The following PRKG1 variants were observed in gnomAD, a reference collection of about 807,000 sequenced individuals.
The protein encoded by PRKG1 is protein kinase cGMP-dependent 1.
PRKG1 carries 35 observed loss-of-function variants against 88.1 expected under a neutral mutation model. The observed-to-expected ratio is 0.40, with a 90% CI of 0.30 to 0.53. The LOEUF (loss-of-function observed/expected upper bound fraction) is 0.53. Among genes scored for constraint, PRKG1 ranks in the 20% least tolerant of loss-of-function variants. The pLI, the probability that PRKG1 is intolerant of heterozygous loss-of-function variation, is 0.59. For synonymous variants in PRKG1, 303 were observed against 292.5 expected (o/e 1.04, Z -0.37); for missense variants, 540 against 839.8 (o/e 0.64, Z 4.41).
chr10:52,174,932 G>A (rs1346782460), intron 9 of PRKG1, among the ~76,000 whole-genome samples: 2 of 151,898 alleles, frequency 1.3e-5, no homozygotes, highest in Non-Finnish European at 2.9e-5. Flanking sequence ...TACATATAAT[G>A]TATAGTGATC....
chr10:51,237,965 A>G (rs893725674), intron 2 of PRKG1, among the ~76,000 whole-genome samples: 1 of 152,202 alleles, frequency 6.6e-6, no homozygotes, highest in African/African-American at 2.4e-5. Flanking sequence ...TAGTATGTTT[A>G]CATACTGTTA....
intron 2 of PRKG1, among the ~76,000 whole-genome samples, chr10:51,189,942 C>T (rs955802838): frequency 2.6e-5 from 4 of 151,822 alleles, no homozygotes; most frequent in Admixed American, 6.6e-5. Context: ...AGTGCCTTAC[C>T]TAAGGCTACA....
At chr10:51,693,869 C>G (rs1841213328) in intron 3 of PRKG1, among the ~76,000 whole-genome samples, 1 of 151,920 alleles carries the variant, frequency 6.6e-6, no homozygotes, top group African/African-American at 2.4e-5. Context: ...ACTTTTGTTT[C>G]AGGGTGCATA....
chr10:51,040,964 G>A (rs2132757944), intron 1 of PRKG1, among the ~76,000 whole-genome samples: 1 of 151,846 alleles, frequency 6.6e-6, no homozygotes, highest in Non-Finnish European at 1.5e-5. Context: ...CCAATTTGAT[G>A]CCTTTTGTTT....
chr10:51,562,413 G>T (rs1051523226), intron 3 of PRKG1, among the ~76,000 whole-genome samples: 1 of 152,048 alleles, frequency 6.6e-6, no homozygotes, highest in African/African-American at 2.4e-5. Context: ...AGAATTGTGA[G>T]GTTCTGTTAC....
chr10:51,101,363 C>T (rs1178434821), intron 1 of PRKG1, among the ~76,000 whole-genome samples: 1 of 152,114 alleles, frequency 6.6e-6, no homozygotes, highest in African/African-American at 2.4e-5. Context: ...TTGGCTGGCA[C>T]CTTGATCTTG....
chr10:51,397,891 T>G (rs1837624309), intron 2 of PRKG1, among the ~76,000 whole-genome samples: 1 of 152,176 alleles, frequency 6.6e-6, no homozygotes, highest in Admixed American at 6.5e-5. Context: ...GCAGAATGTG[T>G]CACTTACTTA....
chr10:51,750,947 G>A lies in PRKG1; in HGVS notation c.593-53638G>A, dbSNP rs193274809. ...TAAATATAAATGATGACATATTTGA[G>A]GTCTTGAGGTGACTATTTTTCATCA... On this transcript the variant is annotated intron_variant, in intron 3 of 17. Coordinates refer to ENST00000373980, the MANE Select transcript of PRKG1 (RefSeq NM_006258.4). Among the ~76,000 whole-genome samples the A allele has an allele frequency of 3.9e-5, 6 of 152,066 alleles. No individual in the cohort carries two copies. In the East Asian group the frequency reaches 9.7e-4, roughly 24 times the overall value.
intron 3 of PRKG1, among the ~76,000 whole-genome samples, chr10:51,630,154 C>A (rs1282337182): frequency 6.6e-6 from 1 of 152,112 alleles, no homozygotes; most frequent in Admixed American, 6.5e-5. Context: ...GAGCAGCTGT[C>A]GTGACTCAAA....
intron 3 of PRKG1, among the ~76,000 whole-genome samples, chr10:51,580,255 A>G (rs1364777377): frequency 6.6e-6 from 1 of 152,136 alleles, no homozygotes; most frequent in Non-Finnish European, 1.5e-5. Flanking sequence ...TTCATAGTCT[A>G]TTGCAAGGTA....
chr10:51,919,973 A>T (rs144996317), intron 5 of PRKG1, among the ~76,000 whole-genome samples: 2 of 152,300 alleles, frequency 1.3e-5, no homozygotes, highest in Non-Finnish European at 2.9e-5. Context: ...CATACATGCT[A>T]CCCGAGTGAC....
At chr10:51,796,058 G>A (rs1404176143) in intron 3 of PRKG1, among the ~76,000 whole-genome samples, 1 of 152,096 alleles carries the variant, frequency 6.6e-6, no homozygotes, top group African/African-American at 2.4e-5. Flanking sequence ...ATGACGGTCT[G>A]TGGTGATTTG....
At position 51,697,502 on chromosome 10, in the gene PRKG1, C is replaced by T. The variant is rs1409490788; in HGVS notation, c.593-107083C>T. On this transcript the variant is annotated intron_variant, in intron 3 of 17. Transcript: ENST00000373980. ...TAAAGTAACTTAAAGTGAACAGACG[C>T]ACTCCCTCCTCCCCCCACCCTCAAT... 3.3e-5 allele frequency: 20 copies of T among 598,338 alleles called. No homozygotes were observed. The South Asian group carries it at 3.8e-4, about 11-fold the overall frequency. 37.1% of individuals were successfully genotyped at this position (598,338 alleles called of 1,614,324 possible). A position where few individuals can be genotyped will look rare whatever the true frequency, so the allele number is the denominator to read the frequency against.
intron 3 of PRKG1, among the ~76,000 whole-genome samples, chr10:51,620,631 T>C (rs993401489): frequency 1.3e-5 from 2 of 152,094 alleles, no homozygotes; most frequent in African/African-American, 4.8e-5. Context: ...GTGACTTCAG[T>C]GTTAATATTC....
chr10:51,921,434 A>T lies in PRKG1; in HGVS notation c.762+13864A>T, dbSNP rs528623260. Among the ~76,000 whole-genome samples the T allele has an allele frequency of 5.9e-5, 9 of 152,112 alleles. No individual in the cohort carries two copies. In the South Asian group the frequency reaches 1.7e-3, roughly 28 times the overall value. On this transcript the variant is annotated intron_variant, in intron 5 of 17. Transcript: ENST00000373980. ...TTACTGTCTTACTGAATTAGATGAG[A>T]CTTCTAATATAATGCTGAATAGGAG... is the stretch of plus-strand genomic sequence containing the variant.
chr10:51,175,462 CTTCAATTTATT>C (rs1837166095), intron 2 of PRKG1, among the ~76,000 whole-genome samples: 1 of 151,758 alleles, frequency 6.6e-6, no homozygotes, highest in South Asian at 2.1e-4. Context: ...TATACTTTAT[CTTCAATTTATT>C]TTCAATTATA....
chr10:51,056,963 C>T (rs1843632634), intron 1 of PRKG1, among the ~76,000 whole-genome samples: 1 of 152,162 alleles, frequency 6.6e-6, no homozygotes, highest in African/African-American at 2.4e-5. Context: ...CCTGTTATAT[C>T]CCAGTTCTTA....
At position 51,906,343 on chromosome 10, in the gene PRKG1, C is replaced by G. The variant is rs185685464; in HGVS notation, c.699-1164C>G. 4.6e-5 allele frequency among the ~76,000 whole-genome samples: 7 copies of G among 152,266 alleles called. No homozygotes were observed. The South Asian group carries it at 1.5e-3, about 32-fold the overall frequency. On this transcript the variant is annotated intron_variant, in intron 4 of 17. Coordinates refer to ENST00000373980, the MANE Select transcript of PRKG1 (RefSeq NM_006258.4). ...CATTCTGAGCCAAATGTGAGGACCA[C>G]GATCCATGACACAGCCCCAGGAAGT...
At chr10:51,344,815 C>T (rs1244829471) in intron 2 of PRKG1, among the ~76,000 whole-genome samples, 1 of 152,096 alleles carries the variant, frequency 6.6e-6, no homozygotes, top group Admixed American at 6.6e-5. Flanking sequence ...CGATAAAATG[C>T]TAAATTAACA....
Sources: allele counts gnomAD v4.1 joint callset (sites outside exome capture counted in the v4.1 genomes callset), GRCh38; gene constraint gnomAD v4.1.1; transcripts MANE v1.5; gene names NCBI Gene and HGNC (gene_info 2026-07-23, HGNC 2026-07-21).